CACHD1: variants seen among roughly 807,000 people sequenced by gnomAD.
CACHD1 encodes the protein cache domain containing 1, also known as VWFA and cache domain-containing protein 1.
Under a neutral mutation model 138.7 loss-of-function variants are expected in CACHD1, and 71 were observed. The ratio of observed to expected loss-of-function variants is 0.51; its 90% CI spans 0.42 to 0.62. The LOEUF (loss-of-function observed/expected upper bound fraction) is 0.62. Among genes scored for constraint, CACHD1 ranks in the 20% least tolerant of loss-of-function variants. The probability of loss-of-function intolerance (pLI) is 0.00; values close to 1 mark genes in which losing one functional copy is unlikely to be tolerated. For missense variants in CACHD1, 1,389 were observed against 1,625.3 expected, an observed-to-expected ratio of 0.85 and a Z score of 2.50; for synonymous variants, 578 against 591.5, an observed-to-expected ratio of 0.98 and a Z score of 0.33.
At chr1:64,547,555 C>T (rs376221119) in intron 1 of CACHD1, among the ~76,000 whole-genome samples, 3 of 152,038 alleles carry the variant, frequency 2.0e-5, no homozygotes, top group South Asian at 4.1e-4. Context: ...TTAATAGAAA[C>T]GGGGTTTCAC....
chr1:64,488,066 A>G (rs556700014), intron 1 of CACHD1, among the ~76,000 whole-genome samples: 146 of 152,330 alleles, frequency 9.6e-4, no homozygotes, highest in African/African-American at 3.2e-3. Context: ...TGTCTGTTCT[A>G]TGATGATACT....
chr1:64,540,039 C>T lies in CACHD1; in HGVS notation c.199-10555C>T, dbSNP rs971821111. 7.2e-5 allele frequency among the ~76,000 whole-genome samples: 11 copies of T among 152,204 alleles called. 1 individual carries two copies. Among genetic ancestry groups the T allele is most frequent in the African/African-American group, 2.6e-4 (11 of 41,512 alleles). On this transcript the variant is annotated intron_variant, in intron 1 of 26. Coordinates refer to ENST00000651257, the MANE Select transcript of CACHD1 (RefSeq NM_020925.4). ...CCATATTTTATATAGCTTCTGACTC[C>T]TTTAGAAAGGACTTGATTGATTGCG...
In CACHD1 at chr1:64,480,469, A is replaced by G. The variant is rs528776682; in HGVS notation, c.198+9527A>G. On this transcript the variant is annotated intron_variant, in intron 1 of 26. Coordinates refer to ENST00000651257, the MANE Select transcript of CACHD1 (RefSeq NM_020925.4). ...AAAGAAAGTTTGGCTTAATGATTTA[A>G]TGGCTGTAAACTTAAAGCTGATGGT... Among the ~76,000 whole-genome samples the G allele has an allele frequency of 3.9e-5, 6 of 152,292 alleles. 1 individual carries two copies. In the South Asian group the frequency reaches 1.2e-3, roughly 32 times the overall value.
Position 64,675,934 on chromosome 1 carries a change from C to T in CACHD1, c.2926C>T (p.Pro976Ser). The T allele has an allele frequency of 6.5e-7, 1 of 1,527,064 alleles. No homozygotes were observed. Among genetic ancestry groups the T allele is most frequent in the Non-Finnish European group, 8.8e-7 (1 of 1,134,330 alleles). 94.6% of individuals were successfully genotyped at this position (1,527,064 alleles called of 1,614,324 possible). The change falls in exon 21 of 27, where the codon CCT becomes TCT. Residue 976 changes from proline to serine, a missense_variant. By Grantham distance (74) the Pro-to-Ser change is moderately conservative. Coordinates refer to ENST00000651257, the MANE Select transcript of CACHD1 (RefSeq NM_020925.4). ...TGAATGTGAATGTCCTTGTGAGTGC[C>T]CTCTAGAGGTCAATGAGTGCACTGG... The part of the protein sequence containing the change: ...QNECECPCEC[P>S]LEVNECTGNL...
chr1:64,528,435 C>T (rs1646556943), intron 1 of CACHD1, among the ~76,000 whole-genome samples: 2 of 152,058 alleles, frequency 1.3e-5, no homozygotes. Flanking sequence ...TGAGTGTCTG[C>T]CTAGGGAATC....
intron 3 of CACHD1, among the ~76,000 whole-genome samples, chr1:64,597,521 G>T (rs200355968): frequency 4.4e-3 from 283 of 63,640 alleles, no homozygotes; most frequent in Middle Eastern, 0.01. Context: ...TTTTTTTTTT[G>T]TTGTTTTTTT....
At chr1:64,550,702 T>G (rs1646752387) in intron 2 of CACHD1, 46 bp downstream of exon 2, 1 of 1,326,734 alleles carries the variant, frequency 7.5e-7, no homozygotes, top group African/African-American at 1.4e-5. Context: ...TGTCTTGCTT[T>G]TAGATGTGGC....
chr1:64,494,971 T>A (rs1309148976), intron 1 of CACHD1, among the ~76,000 whole-genome samples: 1 of 152,140 alleles, frequency 6.6e-6, no homozygotes, highest in African/African-American at 2.4e-5. Flanking sequence ...CCATAATATT[T>A]GCTGTTGGCA....
intron 25 of CACHD1, among the ~76,000 whole-genome samples, chr1:64,681,544 T>TTTTTTTTGTTG (rs1553146855): frequency 9.0e-6 from 1 of 110,594 alleles, no homozygotes; most frequent in Non-Finnish European, 2.0e-5. Flanking sequence ...TTATTGTGTT[T>TTTTTTTTGTTG]TTTTTTTTTT....
At chr1:64,657,225 A>T (rs1323470133) in intron 12 of CACHD1, among the ~76,000 whole-genome samples, 3 of 152,056 alleles carry the variant, frequency 2.0e-5, no homozygotes. Context: ...AAAAAAACCC[A>T]CTCCCAACCC....
intron 1 of CACHD1, among the ~76,000 whole-genome samples, chr1:64,485,013 T>C (rs1646233944): frequency 6.6e-6 from 1 of 152,222 alleles, no homozygotes; most frequent in Non-Finnish European, 1.5e-5. Context: ...TGCTAGATCA[T>C]ATGGTAATTC....
intron 8 of CACHD1, among the ~76,000 whole-genome samples, chr1:64,643,036 TAAAAAAAAAAAAAAA>T (rs139320316): frequency 1.8e-4 from 6 of 33,344 alleles, no homozygotes; most frequent in Non-Finnish European, 2.4e-4. Flanking sequence ...AGACTCTGTC[TAAAAAAAAAAAAAAA>T]AAAAAAAAAA....
rs561493815 is a variant in CACHD1, at chr1:64,667,267, ATTTTCTTGCTTAAGT to A, written c.2387+1103_2387+1117del. ...ATGCCTTAACATTTATAGGAGGCAGATTTTCTTGCTTAAGTTTATGCTTTTCACTGGTGCTCATTG... is the reference window on the plus strand; with the variant it reads ...ATGCCTTAACATTTATAGGAGGCAGATTATGCTTTTCACTGGTGCTCATTG... On this transcript the variant is annotated intron_variant, in intron 16 of 26. Transcript: ENST00000651257. Among the ~76,000 whole-genome samples, 20 of 152,278 alleles carry A rather than the reference ATTTTCTTGCTTAAGT, an allele frequency of 1.3e-4. No homozygotes were observed. The East Asian group carries it at 3.5e-3, about 26-fold the overall frequency.
At chr1:64,591,651 C>G (rs1022888539) in intron 3 of CACHD1, among the ~76,000 whole-genome samples, 1 of 152,160 alleles carries the variant, frequency 6.6e-6, no homozygotes, top group Non-Finnish European at 1.5e-5. Context: ...GAGACCTGAA[C>G]TTTAAGGGAA....
chr1:64,491,196 AC>A (rs1646272633), intron 1 of CACHD1, among the ~76,000 whole-genome samples: 1 of 151,924 alleles, frequency 6.6e-6, no homozygotes, highest in Non-Finnish European at 1.5e-5. Context: ...GTATATAGTA[AC>A]TAACCCAAAG....
At chr1:64,521,294 TGTGTGGTGTTTGCTTGTGGGCCAGCTAG>T (rs1646496714) in intron 1 of CACHD1, among the ~76,000 whole-genome samples, 1 of 152,192 alleles carries the variant, frequency 6.6e-6, no homozygotes, top group African/African-American at 2.4e-5. Context: ...GCTCACAACA[TGTGTGGTGTTTGCTTGTGGGCCAGCTAG>T]AGTATGTCTT....
At chr1:64,483,739 G>GTC (rs1646224949) in intron 1 of CACHD1, among the ~76,000 whole-genome samples, 1 of 148,656 alleles carries the variant, frequency 6.7e-6, no homozygotes, top group Non-Finnish European at 1.5e-5. Flanking sequence ...CAAGTCAGAT[G>GTC]TCATACCTCT....
chr1:64,650,525 A>G (rs1385970718), intron 9 of CACHD1, among the ~76,000 whole-genome samples: 1 of 152,222 alleles, frequency 6.6e-6, no homozygotes, highest in Non-Finnish European at 1.5e-5. Flanking sequence ...TGAACTGCTT[A>G]AAAAATGCTT....
intron 2 of CACHD1, among the ~76,000 whole-genome samples, chr1:64,562,200 A>G (rs1250967705): frequency 6.6e-6 from 1 of 152,010 alleles, no homozygotes. Flanking sequence ...TGTGTCTTTC[A>G]TCAAATTTGG....
Sources: allele counts gnomAD v4.1 joint callset (sites outside exome capture counted in the v4.1 genomes callset), GRCh38; gene constraint gnomAD v4.1.1; transcripts MANE v1.5; gene names NCBI Gene and HGNC (gene_info 2026-07-23, HGNC 2026-07-21).